PIAS2: variants seen among roughly 807,000 people sequenced by gnomAD.
The protein encoded by PIAS2 is protein inhibitor of activated STAT 2, also known as E3 SUMO-protein ligase PIAS2.
In PIAS2, 19 loss-of-function variants were observed where a neutral mutation model predicts 69.7. The observed-to-expected ratio is 0.27, with a 90% CI of 0.19 to 0.40. PIAS2 has a LOEUF of 0.40. Among genes scored for constraint, PIAS2 ranks in the 10% least tolerant of loss-of-function variants. The pLI, the probability that PIAS2 is intolerant of heterozygous loss-of-function variation, is 1.00. For synonymous variants in PIAS2, 261 were observed against 263.2 expected, an observed-to-expected ratio of 0.99 and a Z score of 0.08; for missense variants, 624 against 757.0, an observed-to-expected ratio of 0.82 and a Z score of 2.06.
intron 1 of PIAS2, among the ~76,000 whole-genome samples, chr18:46,900,221 G>A (rs923265071): frequency 2.6e-5 from 4 of 152,008 alleles, no homozygotes. Flanking sequence ...AAAATTAGCT[G>A]GGTGTGGTGT....
In PIAS2 at chr18:46,855,513, T is replaced by C. The variant is rs375925741; in HGVS notation, c.635+52A>G. On this transcript the variant is annotated intron_variant, in intron 4 of 13. Coordinates refer to ENST00000585916, the MANE Select transcript of PIAS2 (RefSeq NM_004671.5). ...ATATGTTTTAAAATTCAGAACTACATGCACATAGTAAGCAAGTATAAAACT... is the reference window on the plus strand; with the variant it reads ...ATATGTTTTAAAATTCAGAACTACACGCACATAGTAAGCAAGTATAAAACT... The C allele has an allele frequency of 1.3e-4, 202 of 1,567,448 alleles. 1 individual carries two copies. Among genetic ancestry groups the C allele is most frequent in the Non-Finnish European group, 1.7e-4 (194 of 1,138,438 alleles).
At position 46,825,309 on chromosome 18, in the gene PIAS2, C is replaced by G. The variant is rs563564284; in HGVS notation, c.1508+2650G>C. ...GACACTGTGACAGGTGGCAGCCACT[C>G]TAACACAGAAAATATGATTTTGGGA... On this transcript the variant is annotated intron_variant, in intron 11 of 13. Transcript: ENST00000585916. Among the ~76,000 whole-genome samples, 6 of 152,292 alleles carry G rather than the reference C, an allele frequency of 3.9e-5. No homozygotes were observed. The South Asian group carries it at 1.0e-3, about 26-fold the overall frequency.
At chr18:46,862,567 T>C (rs1370949577) in intron 3 of PIAS2, among the ~76,000 whole-genome samples, 1 of 152,130 alleles carries the variant, frequency 6.6e-6, no homozygotes, top group Non-Finnish European at 1.5e-5. Flanking sequence ...CTTTTAAGAA[T>C]GCAACTTTAA....
rs765901312 is a variant in PIAS2 at position 46,829,830 on chromosome 18, C to G, written c.1240G>C (p.Asp414His). The change falls in exon 10 of 14, where the codon GAT becomes CAT. Residue 414 changes from aspartate to histidine, a missense_variant. This residue lies in a region of PIAS2 where 241 missense variants were observed against 257.3 expected (regional missense o/e 0.94). Coordinates refer to ENST00000585916, the MANE Select transcript of PIAS2 (RefSeq NM_004671.5). ...CCATCTTCTTGGAATTTGATCTCAT[C>G]TACATCAGAACAGTCATTGAGAATT... is the stretch of plus-strand genomic sequence containing the variant. ...MEILNDCSDVDEIKFQEDGSW... is the reference protein window; with the variant it reads ...MEILNDCSDVHEIKFQEDGSW... 1 of 1,613,184 alleles carries G rather than the reference C, an allele frequency of 6.2e-7. No homozygotes were observed. Among genetic ancestry groups the G allele is most frequent in the African/African-American group, 1.3e-5 (1 of 74,880 alleles).
At chr18:46,918,124 A>C (rs1217881600), upstream of PIAS2, 5 of 152,122 alleles carry the variant, frequency 3.3e-5, no homozygotes, top group African/African-American at 1.2e-4. Context: ...GGGCCATGCT[A>C]AAAAGTCGGG....
At chr18:46,861,188 G>A (rs978484198) in intron 3 of PIAS2, among the ~76,000 whole-genome samples, 3 of 150,902 alleles carry the variant, frequency 2.0e-5, no homozygotes, top group African/African-American at 7.3e-5. Context: ...ACAGTGAGCC[G>A]AGATTGTGCC....
chr18:46,818,798 C>T (rs1467953897), intron 12 of PIAS2, among the ~76,000 whole-genome samples: 1 of 152,006 alleles, frequency 6.6e-6, no homozygotes. Context: ...GAAAGCTTTT[C>T]AATAATAACA....
At chr18:46,865,538 A>G (rs1168782994) in intron 2 of PIAS2, among the ~76,000 whole-genome samples, 1 of 151,672 alleles carries the variant, frequency 6.6e-6, no homozygotes, top group Non-Finnish European at 1.5e-5. Flanking sequence ...AAAAAAAAAA[A>G]AAGGCAAATG....
intron 1 of PIAS2, among the ~76,000 whole-genome samples, chr18:46,904,769 AAC>A (rs1268043614): frequency 6.6e-6 from 1 of 151,716 alleles, no homozygotes; most frequent in Non-Finnish European, 1.5e-5. Context: ...AAAAAAAAAA[AAC>A]AGAGATGGGG....
At chr18:46,913,562 A>T (rs1483998377) in intron 1 of PIAS2, among the ~76,000 whole-genome samples, 6 of 120,224 alleles carry the variant, frequency 5.0e-5, no homozygotes, top group Non-Finnish European at 5.5e-5. Context: ...GGAGATCCTT[A>T]AAAAAAAAAA....
chr18:46,818,184 A>C, intron 12 of PIAS2: 1 of 1,160,464 alleles, frequency 8.6e-7, no homozygotes, highest in Non-Finnish European at 1.1e-6. Context: ...TTGAGTCATA[A>C]ACTTTTAACA....
In PIAS2 at chr18:46,809,755, C is replaced by CAA. The variant is rs33932283; in HGVS notation, c.*2676_*2677dup. The CAA allele has an allele frequency of 0.016, 1,812 of 110,198 alleles. 39 individuals are homozygous for CAA. The highest frequency in any genetic ancestry group is 0.057 in the African/African-American group (1,654 of 28,904). 6.8% of individuals were successfully genotyped at this position (110,198 alleles called of 1,614,324 possible). ...GGGCAACAAGAGCAAGACTCAGCCT[C>CAA]AAAAAAAAAAAAAAAAAAATTGATT... On this transcript the variant is annotated 3_prime_UTR_variant, in exon 14 of 14. Coordinates refer to ENST00000585916, the MANE Select transcript of PIAS2 (RefSeq NM_004671.5).
intron 5 of PIAS2, among the ~76,000 whole-genome samples, chr18:46,851,180 A>T (rs899488640): frequency 3.9e-5 from 6 of 152,212 alleles, no homozygotes; most frequent in Admixed American, 3.3e-4. Flanking sequence ...ACATAAATCC[A>T]TGAACTCAGA....
intron 2 of PIAS2, among the ~76,000 whole-genome samples, chr18:46,882,589 G>T (rs2052455028): frequency 6.6e-6 from 1 of 152,136 alleles, no homozygotes; most frequent in South Asian, 2.1e-4. Context: ...GTTCATAGCT[G>T]CAATGTCTGT....
At chr18:46,856,618 T>A (rs369250650) in intron 3 of PIAS2, among the ~76,000 whole-genome samples, 2 of 152,190 alleles carry the variant, frequency 1.3e-5, no homozygotes, top group Non-Finnish European at 2.9e-5. Context: ...TAGGAGCTTG[T>A]TGGAAATGCA....
chr18:46,878,643 C>A lies in PIAS2; in HGVS notation c.499+11937G>T, dbSNP rs539928253. Among the ~76,000 whole-genome samples, 3 of 152,260 alleles carry A rather than the reference C, an allele frequency of 2.0e-5. No individual in the cohort carries two copies. In the South Asian group the frequency reaches 6.2e-4, roughly 32 times the overall value. On this transcript the variant is annotated intron_variant, in intron 2 of 13. Coordinates refer to ENST00000585916, the MANE Select transcript of PIAS2 (RefSeq NM_004671.5). Reference sequence around the variant, plus strand: ...CAGCACTTTGGGAGGCCAAGGTGGGCGGATCACCTGAGGTCAGGAGTTCGA... The same window carrying A: ...CAGCACTTTGGGAGGCCAAGGTGGGAGGATCACCTGAGGTCAGGAGTTCGA...
intron 2 of PIAS2, among the ~76,000 whole-genome samples, chr18:46,880,232 C>CA (rs1346703052): frequency 1.6e-4 from 24 of 151,534 alleles, no homozygotes; most frequent in Admixed American, 1.6e-3. Context: ...CTGGTCTCTA[C>CA]AAAAAAAATG....
intron 2 of PIAS2, among the ~76,000 whole-genome samples, chr18:46,866,824 C>A (rs2049550122): frequency 6.6e-6 from 1 of 152,152 alleles, no homozygotes; most frequent in African/African-American, 2.4e-5. Flanking sequence ...ACCTAAATCT[C>A]CCTAAAGACC....
intron 2 of PIAS2, among the ~76,000 whole-genome samples, chr18:46,887,959 A>G (rs2053471690): frequency 6.6e-6 from 1 of 152,222 alleles, no homozygotes; most frequent in African/African-American, 2.4e-5. Flanking sequence ...TCTTATATAC[A>G]GTAAACCTTA....
Sources: gnomAD v4.1 joint callset for allele counts (sites outside exome capture counted in the v4.1 genomes callset) on GRCh38, gnomAD v4.1.1 for gene constraint, gnomAD v4.1.1 regional missense constraint, MANE v1.5 for transcripts, NCBI Gene and HGNC (gene_info 2026-07-23, HGNC 2026-07-21) for gene names.